PDHB: variants seen among roughly 807,000 people sequenced by gnomAD.
PDHB encodes pyruvate dehydrogenase E1 subunit beta, also known as pyruvate dehydrogenase E1 component subunit beta, mitochondrial.
In PDHB, 17 loss-of-function variants were observed where a neutral mutation model predicts 42.8. The ratio of observed to expected loss-of-function variants is 0.40; its 90% CI spans 0.27 to 0.60. The LOEUF (loss-of-function observed/expected upper bound fraction) is 0.60. Among genes scored for constraint, PDHB ranks in the 20% least tolerant of loss-of-function variants. The pLI is 0.46. For missense variants in PDHB, 322 were observed against 451.3 expected (o/e 0.71, Z 2.60); for synonymous variants, 154 against 148.7 (o/e 1.04, Z -0.26).
In PDHB at chr3:58,428,571, A is replaced by G. The variant is rs1392622459; in HGVS notation, c.836T>C (p.Ile279Thr). Residue 279 changes from isoleucine (I) to threonine (T), a missense_variant, in exon 9 of 10, where the codon ATA (isoleucine) becomes ACA (threonine). Ile to Thr is a moderately conservative substitution (Grantham distance 89). Coordinates refer to ENST00000302746, the MANE Select transcript of PDHB (RefSeq NM_000925.4). ...ATTTGTCTTCATGACACTGGCTTCT[A>G]TGGTTTCCATGTCCATTGGTCTAAT... ...RTIRPMDMET[I>T]EASVMKTNHL... is the part of the protein sequence containing the mutation. 2.4e-5 allele frequency: 38 copies of G among 1,613,722 alleles called. No individual in the cohort carries two copies. The highest frequency in any genetic ancestry group is 3.0e-5 in the Non-Finnish European group (35 of 1,179,594).
Position 58,431,087 on chromosome 3 carries a change from T to C in PDHB, c.304-145A>G. On this transcript the variant is annotated intron_variant, in intron 5 of 9. Coordinates refer to ENST00000302746, the MANE Select transcript of PDHB (RefSeq NM_000925.4). The surrounding 1 kb of genome is among the most constrained non-coding windows in gnomAD (Gnocchi z 4.4). ...ATGGACAGGGTCTCACTGTCACCCA[T>C]GCTGGAGTGCAGTGGCACACATCAT... 1.2e-6 allele frequency: 1 copy of C among 812,812 alleles called. No homozygotes were observed. Among genetic ancestry groups the C allele is most frequent in the Non-Finnish European group, 2.0e-6 (1 of 493,450 alleles). The allele number at this position is 812,812 out of a possible 1,614,324, so 50.3% of individuals were successfully genotyped here.
chr3:58,427,773 T>C lies in PDHB; in HGVS notation c.*261A>G. On this transcript the variant is annotated 3_prime_UTR_variant, in exon 10 of 10. Coordinates refer to ENST00000302746, the MANE Select transcript of PDHB (RefSeq NM_000925.4). ...CCACATCCATACTTTGTCCTTGTGG[T>C]GAGAGAGGATAAAATGTTATATAAT... 1.9e-6 allele frequency: 1 copy of C among 533,246 alleles called. No homozygotes were observed. Among genetic ancestry groups the C allele is most frequent in the Non-Finnish European group, 3.6e-6 (1 of 279,896 alleles). 33.0% of individuals were successfully genotyped at this position (533,246 alleles called of 1,614,324 possible).
chr3:58,428,541 A>G lies in PDHB; in HGVS notation c.866T>C (p.Leu289Pro), dbSNP rs371393276. 8.1e-6 allele frequency: 13 copies of G among 1,613,934 alleles called. No individual in the cohort carries two copies. Among genetic ancestry groups the G allele is most frequent in the Non-Finnish European group, 1.1e-5 (13 of 1,179,894 alleles). The change falls in exon 9 of 10, where the codon CTT (leucine) becomes CCT (proline). Residue 289 changes from leucine to proline, a missense_variant. This residue lies in a region of PDHB where 208 missense variants were observed against 285.0 expected (regional missense o/e 0.73). Coordinates refer to ENST00000302746, the MANE Select transcript of PDHB (RefSeq NM_000925.4). ...IEASVMKTNH[L>P]VTVEGGWPQF... ...TGGCCAGCCTCCTTCCACAGTTACA[A>G]GATGATTTGTCTTCATGACACTGGC...
chr3:58,432,140 T>G (rs2062925952), intron 2 of PDHB, 156 bp from the exon 3 acceptor site: 1 of 681,150 alleles, frequency 1.5e-6, no homozygotes, highest in Non-Finnish European at 2.7e-6. Context: ...AAAGTAACAT[T>G]TCTATTACAC....
chr3:58,429,708 C>G lies in PDHB; in HGVS notation c.792G>C (p.Glu264Asp). ...TAAGAACAAGTAAATGTCCACTCAC[C>G]TCACATTCAACTCCTTCTTTAGATA... ...AVLSKEGVEC[E>D]VINMRTIRPM... The change falls in exon 8 of 10, where the codon GAG (glutamate) becomes GAC (aspartate). Residue 264 changes from glutamate (E) to aspartate (D), a missense_variant and splice_region_variant. Physicochemically the swap from Glu to Asp is conservative, Grantham distance 45. Around this residue, in one of 3 missense-constraint regions of PDHB, gnomAD observed 208 missense variants for 285.0 expected, o/e 0.73. Coordinates refer to ENST00000302746, the MANE Select transcript of PDHB (RefSeq NM_000925.4). 2 of 1,588,080 alleles carry G rather than the reference C, an allele frequency of 1.3e-6. No individual in the cohort carries two copies. Among genetic ancestry groups the G allele is most frequent in the Non-Finnish European group, 1.7e-6 (2 of 1,156,220 alleles).
rs764281059 is a variant in PDHB at position 58,427,711 on chromosome 3, G to A, written c.*323C>T. ...ATATGCTTTAATTTTATACATATAA[G>A]TTATCTTGTTTGGATACATCTTTCA... On this transcript the variant is annotated 3_prime_UTR_variant, in exon 10 of 10. Coordinates refer to ENST00000302746, the MANE Select transcript of PDHB (RefSeq NM_000925.4). 2.2e-6 allele frequency: 1 copy of A among 454,646 alleles called. No homozygotes were observed. The highest frequency in any genetic ancestry group is 1.6e-5 in the South Asian group (1 of 61,798). 28.2% of individuals were successfully genotyped at this position (454,646 alleles called of 1,614,324 possible). A position where few individuals can be genotyped will look rare whatever the true frequency, so the allele number is the denominator to read the frequency against.
chr3:58,428,040 AT>A lies in PDHB; in HGVS notation c.1073del (p.Asn358IlefsTer15). On this transcript the variant is annotated frameshift_variant, in exon 10 of 10. Coordinates refer to ENST00000302746, the MANE Select transcript of PDHB (RefSeq NM_000925.4). LOFTEE classifies it high-confidence loss of function. ...DIIFAIKKTL[N>X]I ...CTTGATATTCAAGTCCAAACTAAATATTTAATGTTTTCTTTATTGCAAATAT... is the reference window on the plus strand; with the variant it reads ...CTTGATATTCAAGTCCAAACTAAATATTAATGTTTTCTTTATTGCAAATAT... The A allele has an allele frequency of 6.2e-7, 1 of 1,604,984 alleles. No individual in the cohort carries two copies. The highest frequency in any genetic ancestry group is 8.5e-7 in the Non-Finnish European group (1 of 1,171,690).
At chr3:58,428,857 T>G (rs771809458) in intron 8 of PDHB, 19 of 519,668 alleles carry the variant, frequency 3.7e-5, no homozygotes, top group Non-Finnish European at 6.5e-5. Flanking sequence ...CTTCCTTCAC[T>G]TTTTTATTTC....
At position 58,427,773 on chromosome 3, in the gene PDHB, TGA is replaced by T. The variant is rs1341069230; in HGVS notation, c.*259_*260del. The T allele has an allele frequency of 1.3e-5, 7 of 533,128 alleles. No homozygotes were observed. The highest frequency in any genetic ancestry group is 6.1e-5 in the South Asian group (4 of 65,164). 33.0% of individuals were successfully genotyped at this position (533,128 alleles called of 1,614,324 possible). ...CCACATCCATACTTTGTCCTTGTGG[TGA>T]GAGAGGATAAAATGTTATATAATTT... On this transcript the variant is annotated 3_prime_UTR_variant, in exon 10 of 10. Coordinates refer to ENST00000302746, the MANE Select transcript of PDHB (RefSeq NM_000925.4).
Position 58,433,615 on chromosome 3 carries a change from CA to C in PDHB, c.96+15del. On this transcript the variant is annotated intron_variant, in intron 2 of 9. Transcript: ENST00000302746. Reference sequence around the variant, plus strand: ...ACCCTCCCCGCCCTCGTCCGACGAGCACCCGCGCCTGTTACCTGCAGCGCAG... The same window carrying C: ...ACCCTCCCCGCCCTCGTCCGACGAGCCCCGCGCCTGTTACCTGCAGCGCAG... The C allele has an allele frequency of 6.2e-7, 1 of 1,606,426 alleles. No individual in the cohort carries two copies. The highest frequency in any genetic ancestry group is 8.5e-7 in the Non-Finnish European group (1 of 1,177,638).
chr3:58,432,098 C>T (rs1478528884), intron 2 of PDHB, 114 bp from the exon 3 acceptor site: 11 of 740,452 alleles, frequency 1.5e-5, no homozygotes, highest in Non-Finnish European at 2.4e-5. Context: ...AACACTAGAA[C>T]AAGCTTCTCT....
intron 2 of PDHB, chr3:58,432,566 G>A (rs977347593): frequency 3.1e-5 from 5 of 161,350 alleles, no homozygotes; most frequent in Non-Finnish European, 5.4e-5. Flanking sequence ...GTGTGGTGGC[G>A]GGTGCCTGTA....
At chr3:58,433,415 T>G in intron 2 of PDHB, 2 of 604,316 alleles carry the variant, frequency 3.3e-6, no homozygotes, top group South Asian at 3.9e-5. Flanking sequence ...GTCTTAGTTT[T>G]CCCCCATTGC....
Position 58,427,957 on chromosome 3 carries a change from G to T in PDHB, c.*77C>A. ...ATCGTTTTCCGTTATGAATAGTCAG[G>T]TCTTGCAGTACAAATCCAGGTGCAG... On this transcript the variant is annotated 3_prime_UTR_variant, in exon 10 of 10. Transcript: ENST00000302746. 1 of 1,050,882 alleles carries T rather than the reference G, an allele frequency of 9.5e-7. No homozygotes were observed. Among genetic ancestry groups the T allele is most frequent in the Non-Finnish European group, 1.5e-6 (1 of 685,560 alleles). 65.1% of individuals were successfully genotyped at this position (1,050,882 alleles called of 1,614,324 possible). A position where few individuals can be genotyped will look rare whatever the true frequency, so the allele number is the denominator to read the frequency against.
intron 8 of PDHB, 173 bp from the exon 9 acceptor site, chr3:58,428,787 TAAAAC>T (rs1473908349): frequency 2.7e-5 from 17 of 622,944 alleles, no homozygotes; most frequent in Non-Finnish European, 4.5e-5. Context: ...AAATTTTAAT[TAAAAC>T]AAAGATCTGT....
Position 58,433,588 on chromosome 3 carries a change from G to A in PDHB, c.96+43C>T, listed in dbSNP as rs756859963. 2.5e-6 allele frequency: 4 copies of A among 1,579,386 alleles called. No individual in the cohort carries two copies. In the African/African-American group the frequency reaches 5.4e-5, roughly 21 times the overall value. On this transcript the variant is annotated intron_variant, in intron 2 of 9. Transcript: ENST00000302746. ...CCGGCCTCCTTCCCGAGAGAAGGGGGGACCCTCCCCGCCCTCGTCCGACGA... is the reference window on the plus strand; with the variant it reads ...CCGGCCTCCTTCCCGAGAGAAGGGGAGACCCTCCCCGCCCTCGTCCGACGA...
chr3:58,430,014 G>C, intron 7 of PDHB, 114 bp downstream of exon 7: 1 of 754,838 alleles, frequency 1.3e-6, no homozygotes, highest in South Asian at 1.5e-5. Flanking sequence ...GGGGCATCTT[G>C]AGCTCATCCT....
At chr3:58,432,643 G>A (rs1289377917) in intron 2 of PDHB, 2 of 155,770 alleles carry the variant, frequency 1.3e-5, no homozygotes, top group Non-Finnish European at 2.8e-5. Flanking sequence ...GCAGTGAGCT[G>A]AGATAGTGCC....
In PDHB at chr3:58,433,636, G is replaced by C; in HGVS notation, c.91C>G (p.Leu31Val). Reference sequence around the variant, plus strand: ...CGAGCACCCGCGCCTGTTACCTGCAGCGCAGCCGGCGCGGTCCAGTGAAAG... The same window carrying C: ...CGAGCACCCGCGCCTGTTACCTGCACCGCAGCCGGCGCGGTCCAGTGAAAG... ...RRFHWTAPAA[L>V]QVTVRDAINQ... The change falls in exon 2 of 10, where the codon CTG becomes GTG. Residue 31 changes from leucine to valine, a missense_variant. Around this residue, in one of 3 missense-constraint regions of PDHB, gnomAD observed 58 missense variants for 42.1 expected, o/e 1.38. Transcript: ENST00000302746. The C allele has an allele frequency of 6.2e-7, 1 of 1,610,906 alleles. No individual in the cohort carries two copies. Among genetic ancestry groups the C allele is most frequent in the Non-Finnish European group, 8.5e-7 (1 of 1,179,186 alleles).
Sources: allele counts gnomAD v4.1 joint callset, GRCh38; gene constraint gnomAD v4.1.1; regional missense constraint gnomAD v4.1.1; non-coding constraint Gnocchi (gnomAD v3.1); transcripts MANE v1.5; gene names NCBI Gene and HGNC (gene_info 2026-07-23, HGNC 2026-07-21).